The following CRPPA variants were observed in gnomAD, a reference collection of about 807,000 sequenced individuals.
The protein encoded by CRPPA is D-ribitol-5-phosphate cytidylyltransferase.
A neutral mutation model predicts 52.0 loss-of-function variants in CRPPA; 43 were observed. The ratio of observed to expected loss-of-function variants is 0.83; its 90% CI spans 0.65 to 1.07. The LOEUF (loss-of-function observed/expected upper bound fraction) is 1.07, where lower values mean the gene tolerates loss of function less well. Ranked by LOEUF, CRPPA falls within the 50% of genes least tolerant of loss-of-function variation. The pLI, the probability that CRPPA is intolerant of heterozygous loss-of-function variation, is 0.00. For synonymous variants in CRPPA, 250 were observed against 203.5 expected, an observed-to-expected ratio of 1.23 and a Z score of -1.94; for missense variants, 629 against 551.7, an observed-to-expected ratio of 1.14 and a Z score of -1.40.
intron 8 of CRPPA, among the ~76,000 whole-genome samples, chr7:16,257,072 A>G (rs954548589): frequency 6.6e-6 from 1 of 152,086 alleles, no homozygotes; most frequent in Non-Finnish European, 1.5e-5. Flanking sequence ...GTGTGCTAGA[A>G]ACTACATTTT....
chr7:16,188,412 C>T (rs978322548), intron 9 of CRPPA, among the ~76,000 whole-genome samples: 1 of 152,014 alleles, frequency 6.6e-6, no homozygotes, highest in Non-Finnish European at 1.5e-5. Context: ...TAGTTTCAAA[C>T]CATAATTACT....
At chr7:16,346,570 A>T (rs571652271) in intron 3 of CRPPA, among the ~76,000 whole-genome samples, 2 of 152,140 alleles carry the variant, frequency 1.3e-5, no homozygotes, top group African/African-American at 4.8e-5. Context: ...GGCAATAGCT[A>T]GTGTTTGTTG....
chr7:16,166,329 G>C (rs1372662450), intron 9 of CRPPA, among the ~76,000 whole-genome samples: 1 of 151,820 alleles, frequency 6.6e-6, no homozygotes, highest in Non-Finnish European at 1.5e-5. Flanking sequence ...GCCCAGGCTA[G>C]AGTGCAGTGG....
At chr7:16,361,241 A>G (rs1024134048) in intron 3 of CRPPA, among the ~76,000 whole-genome samples, 1 of 152,192 alleles carries the variant, frequency 6.6e-6, no homozygotes, top group Admixed American at 6.5e-5. Context: ...AACTGATTGG[A>G]AACCCGTGTG....
chr7:16,409,483 G>C (rs1386468083), intron 1 of CRPPA, among the ~76,000 whole-genome samples: 2 of 152,206 alleles, frequency 1.3e-5, no homozygotes, highest in East Asian at 3.9e-4. Flanking sequence ...GGTGGCTGCT[G>C]TAATCTGGGC....
In CRPPA at chr7:16,323,459, T is replaced by C. The variant is rs568304218; in HGVS notation, c.685-14832A>G. On this transcript the variant is annotated intron_variant, in intron 3 of 9. Transcript: ENST00000407010. ...CTCTAAGAGGCCTTGTATGTTTCTA[T>C]TCTTGTACCTCTGCTATCTCCATGA... Among the ~76,000 whole-genome samples the C allele has an allele frequency of 1.7e-3, 257 of 152,288 alleles. 1 individual carries two copies. The highest frequency in any genetic ancestry group is 5.9e-3 in the African/African-American group (245 of 41,572).
At chr7:16,244,794 A>G (rs6975254) in intron 8 of CRPPA, among the ~76,000 whole-genome samples, 1,647 of 152,310 alleles carry the variant, frequency 0.011, 41 homozygotes, top group African/African-American at 0.037. Flanking sequence ...TGTATAAGAA[A>G]AAGAACCGTT....
At chr7:16,271,080 C>T (rs1356754188) in intron 6 of CRPPA, among the ~76,000 whole-genome samples, 1 of 151,992 alleles carries the variant, frequency 6.6e-6, no homozygotes, top group African/African-American at 2.4e-5. Context: ...TTTTCAGTTA[C>T]ACCCTGCTTG....
intron 3 of CRPPA, among the ~76,000 whole-genome samples, chr7:16,351,762 A>G (rs770780878): frequency 6.6e-6 from 1 of 152,186 alleles, no homozygotes; most frequent in East Asian, 1.9e-4. Flanking sequence ...GTCAGGAAAC[A>G]ACAGATGCTG....
At chr7:16,115,361 A>T (rs1782349461) in intron 9 of CRPPA, among the ~76,000 whole-genome samples, 1 of 152,194 alleles carries the variant, frequency 6.6e-6, no homozygotes. Context: ...AAGGAGAGCT[A>T]GAAAATTCTA....
At position 16,389,683 on chromosome 7, in the gene CRPPA, G is replaced by T. The variant is rs370799054; in HGVS notation, c.535-13442C>A. On this transcript the variant is annotated intron_variant, in intron 2 of 9. Coordinates refer to ENST00000407010, the MANE Select transcript of CRPPA (RefSeq NM_001101426.4). The stretch of plus-strand genomic sequence containing the variant: ...AAAATACTGAGTGTTTTCCCTTTAT[G>T]ATCAAGAGTAAGCAAGGAAATCCAC... 2.9e-4 allele frequency among the ~76,000 whole-genome samples: 44 copies of T among 151,758 alleles called. No individual in the cohort carries two copies. In the East Asian group the frequency reaches 6.0e-3, roughly 21 times the overall value.
At chr7:16,340,969 T>C (rs1785810584) in intron 3 of CRPPA, among the ~76,000 whole-genome samples, 1 of 152,148 alleles carries the variant, frequency 6.6e-6, no homozygotes, top group East Asian at 1.9e-4. Flanking sequence ...AAACTTTAAA[T>C]GCATATTACT....
At chr7:16,265,824 T>C (rs773020968) in intron 6 of CRPPA, among the ~76,000 whole-genome samples, 2 of 152,218 alleles carry the variant, frequency 1.3e-5, no homozygotes, top group Non-Finnish European at 2.9e-5. Flanking sequence ...CACGGGCAGG[T>C]ATTATCATCA....
Position 16,421,177 on chromosome 7 carries a change from G to A in CRPPA, c.146C>T (p.Ala49Val). Residue 49 changes from alanine (A) to valine (V), a missense_variant, in exon 1 of 10, where the codon GCT becomes GTT. Transcript: ENST00000407010. ...EPGRHPQAVA[A>V]VLPAGGCGER... is the part of the protein sequence containing the mutation. ...CCCGCACCCCCCGGCAGGCAACACA[G>A]CTGCCACGGCTTGCGGGTGGCGCCC... 1.0e-5 allele frequency: 14 copies of A among 1,340,580 alleles called. No homozygotes were observed. Among genetic ancestry groups the A allele is most frequent in the Non-Finnish European group, 1.3e-5 (14 of 1,040,326 alleles). The allele number at this position is 1,340,580 out of a possible 1,614,324, so 83.0% of individuals were successfully genotyped here. A position where few individuals can be genotyped will look rare whatever the true frequency, so the allele number is the denominator to read the frequency against.
At chr7:16,300,534 G>A (rs1784770456) in intron 5 of CRPPA, among the ~76,000 whole-genome samples, 1 of 152,126 alleles carries the variant, frequency 6.6e-6, no homozygotes, top group Non-Finnish European at 1.5e-5. Context: ...TCTATCAGTG[G>A]AGATGTTTTT....
chr7:16,257,537 T>G (rs1482476325), intron 8 of CRPPA, among the ~76,000 whole-genome samples: 2 of 152,142 alleles, frequency 1.3e-5, no homozygotes, highest in East Asian at 3.9e-4. Flanking sequence ...CTCCCATAGT[T>G]GCTAATTTGT....
intron 2 of CRPPA, among the ~76,000 whole-genome samples, chr7:16,385,933 G>A (rs1230155625): frequency 6.6e-6 from 1 of 152,096 alleles, no homozygotes; most frequent in Non-Finnish European, 1.5e-5. Flanking sequence ...TCTAGGGGTG[G>A]GTACCCATGA....
chr7:16,418,814 A>T (rs1788255965), intron 1 of CRPPA, among the ~76,000 whole-genome samples: 1 of 152,180 alleles, frequency 6.6e-6, no homozygotes, highest in Non-Finnish European at 1.5e-5. Flanking sequence ...GGGTGGAGAC[A>T]CAGCCAAACC....
At chr7:16,342,794 T>TAGATAGAGAGATAG (rs1350825073) in intron 3 of CRPPA, among the ~76,000 whole-genome samples, 1 of 62,778 alleles carries the variant, frequency 1.6e-5, no homozygotes, top group Non-Finnish European at 3.3e-5. Flanking sequence ...TATATATATA[T>TAGATAGAGAGATAG]ATATCTATAT....
Sources: allele counts gnomAD v4.1 joint callset (sites outside exome capture counted in the v4.1 genomes callset), GRCh38; gene constraint gnomAD v4.1.1; transcripts MANE v1.5; gene names NCBI Gene and HGNC (gene_info 2026-07-23, HGNC 2026-07-21).